Variants in TRERF1 observed in about 807,000 individuals in gnomAD.
TRERF1 encodes transcriptional-regulating factor 1.
In TRERF1, 27 loss-of-function variants were observed where a neutral mutation model predicts 122.9. That is an observed-to-expected ratio of 0.22 (90% confidence interval 0.16 to 0.30). The LOEUF (loss-of-function observed/expected upper bound fraction) is 0.30, where lower values mean the gene tolerates loss of function less well. Among genes scored for constraint, TRERF1 ranks in the 10% least tolerant of loss-of-function variants. The probability of loss-of-function intolerance (pLI) is 1.00; values close to 1 mark genes in which losing one functional copy is unlikely to be tolerated. For missense variants in TRERF1, 1,248 were observed against 1,560.3 expected (o/e 0.80, Z 3.37); for synonymous variants, 636 against 641.7 (o/e 0.99, Z 0.13).
At chr6:42,408,371 A>ATT (rs1243467799) in intron 2 of TRERF1, among the ~76,000 whole-genome samples, 5 of 29,218 alleles carry the variant, frequency 1.7e-4, no homozygotes, top group Non-Finnish European at 3.3e-4. Flanking sequence ...ATATATATAT[A>ATT]TCTTTTTTTT....
At chr6:42,390,187 G>A (rs1265479224) in intron 2 of TRERF1, among the ~76,000 whole-genome samples, 1 of 152,182 alleles carries the variant, frequency 6.6e-6, no homozygotes, top group Non-Finnish European at 1.5e-5. Context: ...TCCTACAAAC[G>A]AAGATATACA....
At chr6:42,326,527 C>T (rs1764322792) in intron 3 of TRERF1, among the ~76,000 whole-genome samples, 1 of 152,146 alleles carries the variant, frequency 6.6e-6, no homozygotes, top group Non-Finnish European at 1.5e-5. Context: ...GAACTGGAGA[C>T]CAAAGCCTCC....
chr6:42,243,583 T>C (rs1302705680), intron 14 of TRERF1, among the ~76,000 whole-genome samples: 1 of 142,170 alleles, frequency 7.0e-6, no homozygotes, highest in Non-Finnish European at 1.5e-5. Context: ...CCATTCCAGA[T>C]TTTTTTTTTT....
In TRERF1 at chr6:42,367,409, A is replaced by G. The variant is rs368543910; in HGVS notation, c.-453-4330T>C. On this transcript the variant is annotated intron_variant, in intron 2 of 17. Coordinates refer to ENST00000372922, the Ensembl canonical transcript of TRERF1. ...TGAATGCCCGGGTTTCAAAACACAC[A>G]AAGCTCCGAGCCTCTGATTGTACCT... Among the ~76,000 whole-genome samples the G allele has an allele frequency of 3.3e-5, 5 of 152,314 alleles. No individual in the cohort carries two copies. The East Asian group carries it at 7.7e-4, about 24-fold the overall frequency.
At chr6:42,411,532 C>T (rs750527540) in intron 2 of TRERF1, among the ~76,000 whole-genome samples, 7 of 152,292 alleles carry the variant, frequency 4.6e-5, no homozygotes, top group East Asian at 1.9e-4. Flanking sequence ...GACACAGGAA[C>T]GAGGCAGGAG....
chr6:42,438,069 C>T (rs1453743723), intron 2 of TRERF1, among the ~76,000 whole-genome samples: 4 of 151,634 alleles, frequency 2.6e-5, no homozygotes, highest in Non-Finnish European at 4.4e-5. Flanking sequence ...TTACAGGTGC[C>T]CGCCACCATA....
chr6:42,257,151 C>T, intron 10 of TRERF1, 49 bp from the exon 11 acceptor site: 1 of 1,607,728 alleles, frequency 6.2e-7, no homozygotes, highest in Non-Finnish European at 8.5e-7. Flanking sequence ...AATTTGATGG[C>T]TCAGGCCAAG....
intron 12 of TRERF1, 149 bp downstream of exon 12, chr6:42,256,579 C>G (rs926894405): frequency 2.4e-5 from 15 of 628,620 alleles, no homozygotes; most frequent in Non-Finnish European, 3.1e-5. Flanking sequence ...CTGACCTACC[C>G]ACCGAGAGAA....
chr6:42,392,927 C>CACAT (rs1554201003), intron 2 of TRERF1, among the ~76,000 whole-genome samples: 2 of 67,566 alleles, frequency 3.0e-5, no homozygotes, highest in African/African-American at 8.2e-5. Flanking sequence ...CACATACACA[C>CACAT]ACATACACAC....
chr6:42,255,166 C>G (rs1188122032), intron 12 of TRERF1, among the ~76,000 whole-genome samples: 1 of 152,208 alleles, frequency 6.6e-6, no homozygotes, highest in Non-Finnish European at 1.5e-5. Context: ...CACAGGAAAA[C>G]AGAACGACCT....
At chr6:42,376,468 A>C (rs1562092968) in intron 2 of TRERF1, among the ~76,000 whole-genome samples, 1 of 151,632 alleles carries the variant, frequency 6.6e-6, no homozygotes, top group East Asian at 1.9e-4. Context: ...TCCTGTGCTG[A>C]ATCAACACCC....
chr6:42,318,165 A>AG (rs1164814913), intron 3 of TRERF1, among the ~76,000 whole-genome samples: 5 of 151,816 alleles, frequency 3.3e-5, no homozygotes, highest in Non-Finnish European at 5.9e-5. Context: ...AAAAAAAAAA[A>AG]AAAGCTCTTT....
intron 4 of TRERF1, among the ~76,000 whole-genome samples, chr6:42,273,483 C>T (rs762707531): frequency 3.3e-5 from 5 of 152,120 alleles, no homozygotes; most frequent in Admixed American, 6.5e-5. Context: ...GAAGTTCTTA[C>T]GTTCTCATGA....
In TRERF1 at chr6:42,269,306, G is replaced by C. The variant is rs1233973460; in HGVS notation, c.285C>G (p.Val95=). 2.5e-6 allele frequency: 4 copies of C among 1,614,170 alleles called. No homozygotes were observed. The highest frequency in any genetic ancestry group is 3.4e-6 in the Non-Finnish European group (4 of 1,180,032). The change falls in exon 5 of 18, where the codon GTC becomes GTG. Residue 95 remains valine (V), a synonymous_variant. Coordinates refer to ENST00000372922, the Ensembl canonical transcript of TRERF1. The surrounding 1 kb of genome is among the most constrained non-coding windows in gnomAD (Gnocchi z 4.9). ...AGTTGGCCAGGTTTCCACGTAGCTGGACATGGTTTCCAGGCCCTGCATGAC... is the reference window on the plus strand; with the variant it reads ...AGTTGGCCAGGTTTCCACGTAGCTGCACATGGTTTCCAGGCCCTGCATGAC...
intron 4 of TRERF1, among the ~76,000 whole-genome samples, chr6:42,274,456 C>T (rs1223272519): frequency 6.6e-6 from 1 of 152,174 alleles, no homozygotes; most frequent in Non-Finnish European, 1.5e-5. Context: ...AGGGGGATTA[C>T]TTGAGGCCAG....
At chr6:42,424,132 T>C (rs1470936359) in intron 2 of TRERF1, among the ~76,000 whole-genome samples, 3 of 152,246 alleles carry the variant, frequency 2.0e-5, no homozygotes, top group Non-Finnish European at 4.4e-5. Flanking sequence ...CTCCAGCTGA[T>C]GGGCATTTGG....
chr6:42,340,304 C>A (rs1194649344), intron 3 of TRERF1, among the ~76,000 whole-genome samples: 2 of 152,008 alleles, frequency 1.3e-5, no homozygotes, highest in Admixed American at 6.6e-5. Flanking sequence ...GTGTTAAGTA[C>A]CCCCAAGACT....
In TRERF1 at chr6:42,228,456, G is replaced by A. The variant is rs562301569; in HGVS notation, c.3492C>T (p.Asp1164=). 5.7e-5 allele frequency: 92 copies of A among 1,614,202 alleles called. No homozygotes were observed. Among genetic ancestry groups the A allele is most frequent in the East Asian group, 2.9e-4 (13 of 44,866 alleles). Reference sequence around the variant, plus strand: ...CACCTCCCAACTGCTGGACGACGTCGTCGTCGAGGATGTCCACATCCTTGA... The same window carrying A: ...CACCTCCCAACTGCTGGACGACGTCATCGTCGAGGATGTCCACATCCTTGA... The change falls in exon 18 of 18, where the codon GAC becomes GAT. Residue 1164 remains aspartate (D), a synonymous_variant. Coordinates refer to ENST00000372922, the Ensembl canonical transcript of TRERF1. This position sits in a 1 kb window ranked among gnomAD's most constrained non-coding sequence, Gnocchi z 4.2.
chr6:42,353,055 A>C (rs1319631599), intron 3 of TRERF1, among the ~76,000 whole-genome samples: 1 of 152,150 alleles, frequency 6.6e-6, no homozygotes, highest in Non-Finnish European at 1.5e-5. Context: ...TAAACTCATC[A>C]CTTTGTAGTC....
Sources: allele counts gnomAD v4.1 joint callset (sites outside exome capture counted in the v4.1 genomes callset), GRCh38; gene constraint gnomAD v4.1.1; non-coding constraint Gnocchi (gnomAD v3.1); transcripts MANE v1.5; gene names NCBI Gene and HGNC (gene_info 2026-07-23, HGNC 2026-07-21).